SCML4: variants seen among roughly 807,000 people sequenced by gnomAD.
SCML4 encodes the protein Scm polycomb group protein like 4.
In SCML4, 34 loss-of-function variants were observed where a neutral mutation model predicts 41.1. The observed-to-expected ratio is 0.83, with a 90% CI of 0.63 to 1.10. The LOEUF (loss-of-function observed/expected upper bound fraction) is 1.10, where lower values mean the gene tolerates loss of function less well. SCML4 is among the 50% of genes least tolerant of loss of function. SCML4 has a pLI of 0.00. For missense variants in SCML4, 522 were observed against 534.1 expected, an observed-to-expected ratio of 0.98 and a Z score of 0.22; for synonymous variants, 214 against 220.9, an observed-to-expected ratio of 0.97 and a Z score of 0.28.
chr6:107,761,157 A>G (rs1013965806), intron 2 of SCML4, among the ~76,000 whole-genome samples: 5 of 152,200 alleles, frequency 3.3e-5, no homozygotes, highest in African/African-American at 9.6e-5. Flanking sequence ...AATATGGAGA[A>G]TGGAAAGGAG....
At chr6:107,781,372 C>A (rs534021016) in intron 1 of SCML4, among the ~76,000 whole-genome samples, 2 of 152,102 alleles carry the variant, frequency 1.3e-5, no homozygotes, top group African/African-American at 4.8e-5. Flanking sequence ...CCAAGCCGGG[C>A]GTAGTGGTTC....
chr6:107,744,655 A>G (rs1162451945), intron 5 of SCML4, among the ~76,000 whole-genome samples: 1 of 152,206 alleles, frequency 6.6e-6, no homozygotes, highest in African/African-American at 2.4e-5. Flanking sequence ...CTTGTTACAT[A>G]TGATGTGATG....
Position 107,750,150 on chromosome 6 carries a change from G to C in SCML4, c.157-337C>G, listed in dbSNP as rs75438373. Among the ~76,000 whole-genome samples, 780 of 152,340 alleles carry C rather than the reference G, an allele frequency of 5.1e-3. 12 individuals carry two copies. In the East Asian group the frequency reaches 0.064, roughly 12 times the overall value. On this transcript the variant is annotated intron_variant, in intron 2 of 7. Coordinates refer to ENST00000369020, the MANE Select transcript of SCML4 (RefSeq NM_198081.5). Reference sequence around the variant, plus strand: ...AGGATAGGAGAGTTTCCAGCCTGCAGCCCATGTGTTCCCTAGAATCCTGTG... The same window carrying C: ...AGGATAGGAGAGTTTCCAGCCTGCACCCCATGTGTTCCCTAGAATCCTGTG...
chr6:107,759,545 G>A (rs985975903), intron 2 of SCML4, among the ~76,000 whole-genome samples: 6 of 152,074 alleles, frequency 3.9e-5, no homozygotes, highest in East Asian at 1.9e-4. Flanking sequence ...CTGAAGTGAC[G>A]GGTGAGAGAA....
chr6:107,738,482 G>T (rs1007703807), intron 5 of SCML4, among the ~76,000 whole-genome samples: 2 of 152,030 alleles, frequency 1.3e-5, no homozygotes, highest in African/African-American at 4.8e-5. Context: ...TTAGCCAGGT[G>T]TGGTGGTGCA....
At chr6:107,739,945 C>G (rs138537385) in intron 5 of SCML4, 11 of 360,148 alleles carry the variant, frequency 3.1e-5, no homozygotes, top group Non-Finnish European at 4.3e-5. Context: ...GGCTCCCTGA[C>G]AAGCAAAATT....
chr6:107,802,643 A>C (rs1783260179), intron 1 of SCML4, among the ~76,000 whole-genome samples: 2 of 90,842 alleles, frequency 2.2e-5, no homozygotes, highest in African/African-American at 8.4e-5. Context: ...AGGAAAGAAA[A>C]TTGGAAAGGC....
At chr6:107,840,573 G>A in the SCML4 span, among the ~76,000 whole-genome samples, 114,476 of 152,152 alleles carry the variant, frequency 0.75, 43,869 homozygotes, top group East Asian at 0.93. Flanking sequence ...CTAGCCTCAC[G>A]GAGCTTAATT....
chr6:107,830,048 G>C, the SCML4 span, among the ~76,000 whole-genome samples: 3 of 152,150 alleles, frequency 2.0e-5, no homozygotes, highest in Non-Finnish European at 4.4e-5. Context: ...GAGCCCATGT[G>C]GGGTGCTTAG....
rs143056658 is a variant in SCML4, at chr6:107,807,558, G to A, written c.-60+16568C>T. Among the ~76,000 whole-genome samples, 26 of 152,286 alleles carry A rather than the reference G, an allele frequency of 1.7e-4. No homozygotes were observed. In the East Asian group the frequency reaches 3.3e-3, roughly 19 times the overall value. ...TGTTTCATTGCTCAGGGGTTACAAA[G>A]CTCCCAGCAAATGCTGAACACAAAT... On this transcript the variant is annotated intron_variant, in intron 1 of 7. Coordinates refer to ENST00000369020, the MANE Select transcript of SCML4 (RefSeq NM_198081.5).
At chr6:107,763,625 G>T (rs1278224686) in intron 2 of SCML4, among the ~76,000 whole-genome samples, 1 of 152,102 alleles carries the variant, frequency 6.6e-6, no homozygotes, top group East Asian at 1.9e-4. Context: ...GACCTCAAGT[G>T]ATCTGCCTGC....
intron 5 of SCML4, among the ~76,000 whole-genome samples, chr6:107,744,567 C>T (rs1777891078): frequency 6.6e-6 from 1 of 152,148 alleles, no homozygotes; most frequent in Non-Finnish European, 1.5e-5. Context: ...GGGATGAGTT[C>T]CTTAGTTTTG....
At chr6:107,788,745 A>C (rs1294089811) in intron 1 of SCML4, among the ~76,000 whole-genome samples, 1 of 152,084 alleles carries the variant, frequency 6.6e-6, no homozygotes, top group East Asian at 1.9e-4. Flanking sequence ...GGTGCCTGAC[A>C]CTGTCGCCAT....
intron 2 of SCML4, among the ~76,000 whole-genome samples, chr6:107,765,854 G>C (rs953360258): frequency 6.6e-6 from 1 of 152,194 alleles, no homozygotes; most frequent in African/African-American, 2.4e-5. Context: ...CTGTGAATTA[G>C]AGCTGTGTTG....
chr6:107,736,937 G>A (rs1777130055), intron 5 of SCML4, among the ~76,000 whole-genome samples: 1 of 152,198 alleles, frequency 6.6e-6, no homozygotes, highest in South Asian at 2.1e-4. Context: ...CTCAGCAAAA[G>A]TAAACAATCT....
upstream of SCML4, among the ~76,000 whole-genome samples, chr6:107,829,014 T>C (rs184187217): frequency 3.9e-5 from 6 of 152,340 alleles, no homozygotes; most frequent in East Asian, 1.2e-3. Flanking sequence ...ATGTTCTTAA[T>C]AAATGTTTGC....
chr6:107,800,494 A>T (rs1462662350), intron 1 of SCML4, among the ~76,000 whole-genome samples: 1 of 152,164 alleles, frequency 6.6e-6, no homozygotes, highest in Non-Finnish European at 1.5e-5. Flanking sequence ...AGGATGCAAA[A>T]ACCAGAAGAA....
intron 2 of SCML4, chr6:107,755,700 T>A: frequency 9.2e-7 from 1 of 1,090,770 alleles, no homozygotes; most frequent in South Asian, 1.5e-5. Context: ...TTTTGTTTTT[T>A]AAATGGACAA....
chr6:107,782,805 G>C (rs4993216), intron 1 of SCML4, among the ~76,000 whole-genome samples: 11,377 of 65,030 alleles, frequency 0.17, 42 homozygotes, highest in African/African-American at 0.3. Flanking sequence ...TGCCTGATGG[G>C]AGGTGCTGGT....
Sources: allele counts gnomAD v4.1 joint callset (sites outside exome capture counted in the v4.1 genomes callset), GRCh38; gene constraint gnomAD v4.1.1; transcripts MANE v1.5; gene names NCBI Gene and HGNC (gene_info 2026-07-23, HGNC 2026-07-21).